Variants in NRG3 observed in about 807,000 individuals in gnomAD.
NRG3 encodes the protein neuregulin 3, also known as pro-neuregulin-3, membrane-bound isoform.
Under a neutral mutation model 66.9 loss-of-function variants are expected in NRG3, and 31 were observed. That is an observed-to-expected ratio of 0.46 (90% CI 0.35 to 0.63). The LOEUF (loss-of-function observed/expected upper bound fraction) is 0.63, where lower values mean the gene tolerates loss of function less well. NRG3 is among the 20% of genes least tolerant of loss of function. The pLI is 0.00. For missense variants in NRG3, 910 were observed against 878.9 expected (o/e 1.04, Z -0.45); for synonymous variants, 393 against 359.4 (o/e 1.09, Z -1.06).
At chr10:82,133,689 C>A (rs1206374658) in intron 1 of NRG3, among the ~76,000 whole-genome samples, 4 of 151,998 alleles carry the variant, frequency 2.6e-5, no homozygotes, top group South Asian at 2.1e-4. Context: ...GATTCCATGT[C>A]TTTGCTATTG....
intron 2 of NRG3, among the ~76,000 whole-genome samples, chr10:82,508,987 T>C (rs1481395403): frequency 6.6e-6 from 1 of 152,226 alleles, no homozygotes; most frequent in Non-Finnish European, 1.5e-5. Context: ...CCCTACCTTG[T>C]TTCTCATGAC....
chr10:82,273,646 T>C (rs561539930), intron 1 of NRG3, among the ~76,000 whole-genome samples: 10 of 152,120 alleles, frequency 6.6e-5, no homozygotes, highest in African/African-American at 2.4e-4. Flanking sequence ...TCTTAATGTG[T>C]TGATAATATG....
At chr10:82,954,660 G>A (rs1849857592) in intron 5 of NRG3, among the ~76,000 whole-genome samples, 1 of 151,788 alleles carries the variant, frequency 6.6e-6, no homozygotes, top group African/African-American at 2.4e-5. Flanking sequence ...GAGGCCTAGG[G>A]TGCATTTCCT....
intron 2 of NRG3, among the ~76,000 whole-genome samples, chr10:82,716,562 G>C (rs2056987118): frequency 6.6e-6 from 1 of 152,056 alleles, no homozygotes; most frequent in Non-Finnish European, 1.5e-5. Flanking sequence ...GAGGATGTAC[G>C]GTGCCCTGCT....
At chr10:82,394,908 G>A (rs1020723921) in intron 2 of NRG3, among the ~76,000 whole-genome samples, 7 of 151,990 alleles carry the variant, frequency 4.6e-5, no homozygotes, top group African/African-American at 1.7e-4. Flanking sequence ...ATGAATTATC[G>A]GTCTCAATTC....
chr10:82,205,066 C>G (rs2075048811), intron 1 of NRG3, among the ~76,000 whole-genome samples: 1 of 152,076 alleles, frequency 6.6e-6, no homozygotes, highest in African/African-American at 2.4e-5. Flanking sequence ...TGGAGATATG[C>G]AATAAGCAAA....
At chr10:82,280,322 T>C (rs1026552405) in intron 1 of NRG3, among the ~76,000 whole-genome samples, 5 of 150,294 alleles carry the variant, frequency 3.3e-5, no homozygotes, top group African/African-American at 1.2e-4. Flanking sequence ...GCATATCAAG[T>C]GACAATTTTT....
intron 1 of NRG3, among the ~76,000 whole-genome samples, chr10:82,317,743 C>A (rs1318779480): frequency 6.6e-6 from 1 of 152,192 alleles, no homozygotes; most frequent in Non-Finnish European, 1.5e-5. Flanking sequence ...AAGTCTCAAT[C>A]ATTTTAGGAA....
chr10:82,208,174 T>G (rs1455527964), intron 1 of NRG3, among the ~76,000 whole-genome samples: 1 of 152,176 alleles, frequency 6.6e-6, no homozygotes, highest in African/African-American at 2.4e-5. Flanking sequence ...AAGGTGTGTC[T>G]GAGGAGAGGC....
intron 1 of NRG3, among the ~76,000 whole-genome samples, chr10:82,108,458 G>A (rs2067195706): frequency 6.6e-6 from 1 of 152,180 alleles, no homozygotes; most frequent in South Asian, 2.1e-4. Context: ...AAATGGAAAT[G>A]TCACCAGGAT....
At chr10:82,418,996 A>G (rs1229321471) in intron 2 of NRG3, among the ~76,000 whole-genome samples, 1 of 152,156 alleles carries the variant, frequency 6.6e-6, no homozygotes, top group East Asian at 1.9e-4. Context: ...TTTCTGAAAA[A>G]CCAAACCCTC....
chr10:82,062,885 C>T (rs2064238347), intron 1 of NRG3, among the ~76,000 whole-genome samples: 2 of 152,146 alleles, frequency 1.3e-5, no homozygotes, highest in Admixed American at 6.5e-5. Context: ...GCTAGAGCTA[C>T]TGAATCTGTG....
chr10:82,202,326 A>G (rs1240592141), intron 1 of NRG3, among the ~76,000 whole-genome samples: 2 of 152,176 alleles, frequency 1.3e-5, no homozygotes, highest in African/African-American at 4.8e-5. Context: ...ATTTTAGTAC[A>G]TAGTTATTCC....
chr10:82,672,075 T>C (rs906002730), intron 2 of NRG3, among the ~76,000 whole-genome samples: 1 of 152,230 alleles, frequency 6.6e-6, no homozygotes, highest in Non-Finnish European at 1.5e-5. Flanking sequence ...TTGTCTTCTC[T>C]GGCGTGTAAG....
chr10:82,206,627 CT>C (rs2075131506), intron 1 of NRG3, among the ~76,000 whole-genome samples: 1 of 152,154 alleles, frequency 6.6e-6, no homozygotes. Context: ...TTGGCTTTCC[CT>C]TTGGGCTGGC....
intron 1 of NRG3, among the ~76,000 whole-genome samples, chr10:81,993,726 G>T (rs745701165): frequency 3.5e-4 from 54 of 152,154 alleles, no homozygotes; most frequent in Non-Finnish European, 6.0e-4. Flanking sequence ...CATTAAAAGA[G>T]AACCATAGTT....
intron 1 of NRG3, among the ~76,000 whole-genome samples, chr10:82,332,971 T>C (rs1467351805): frequency 6.6e-6 from 1 of 152,212 alleles, no homozygotes; most frequent in East Asian, 1.9e-4. Flanking sequence ...TCTACTTATA[T>C]AGCTGATCAC....
chr10:81,935,919 A>ACACACACCC (rs1192033295), intron 1 of NRG3, among the ~76,000 whole-genome samples: 1 of 146,648 alleles, frequency 6.8e-6, no homozygotes, highest in Non-Finnish European at 1.5e-5. Flanking sequence ...ACACACACAC[A>ACACACACCC]CACACAGTTT....
At chr10:82,091,947 T>G (rs2066050941) in intron 1 of NRG3, among the ~76,000 whole-genome samples, 1 of 152,174 alleles carries the variant, frequency 6.6e-6, no homozygotes, top group Admixed American at 6.5e-5. Flanking sequence ...TATATCTTAC[T>G]TGGAGAAATG....
Sources: gnomAD v4.1 joint callset for allele counts (sites outside exome capture counted in the v4.1 genomes callset) on GRCh38, gnomAD v4.1.1 for gene constraint, MANE v1.5 for transcripts, NCBI Gene and HGNC (gene_info 2026-07-23, HGNC 2026-07-21) for gene names.